GUCY2C: variants seen among roughly 807,000 people sequenced by gnomAD.
The protein encoded by GUCY2C is guanylate cyclase 2C, also known as guanylyl cyclase C.
Under a neutral mutation model 131.1 loss-of-function variants are expected in GUCY2C, and 118 were observed. That is an observed-to-expected ratio of 0.90 (90% confidence interval 0.78 to 1.05). The LOEUF (loss-of-function observed/expected upper bound fraction) is 1.05. GUCY2C is among the 50% of genes least tolerant of loss of function. GUCY2C has a pLI of 0.00. For missense variants in GUCY2C, 1,161 were observed against 1,304.4 expected, an observed-to-expected ratio of 0.89 and a Z score of 1.69; for synonymous variants, 452 against 457.8, an observed-to-expected ratio of 0.99 and a Z score of 0.16.
chr12:14,685,273 G>T (rs577096669), intron 3 of GUCY2C, among the ~76,000 whole-genome samples: 1 of 152,172 alleles, frequency 6.6e-6, no homozygotes, highest in Non-Finnish European at 1.5e-5. Flanking sequence ...GGATCTGTCC[G>T]CATTTTGGTA....
chr12:14,664,307 A>G (rs1463934007), intron 10 of GUCY2C, among the ~76,000 whole-genome samples: 2 of 152,160 alleles, frequency 1.3e-5, no homozygotes, highest in Admixed American at 6.5e-5. Context: ...TAAACCCCAG[A>G]AAACGAAAGT....
At chr12:14,639,404 G>A (rs796233836) in intron 19 of GUCY2C, among the ~76,000 whole-genome samples, 28 of 152,208 alleles carry the variant, frequency 1.8e-4, no homozygotes, top group African/African-American at 6.0e-4. Context: ...GCGGTAGGCT[G>A]AGGCTGGCTC....
At chr12:14,644,494 G>A (rs950230375) in intron 16 of GUCY2C, among the ~76,000 whole-genome samples, 6 of 152,202 alleles carry the variant, frequency 3.9e-5, no homozygotes, top group Non-Finnish European at 7.3e-5. Context: ...GTGGCAAATC[G>A]ATTTTCATAA....
At chr12:14,693,074 A>G (rs1021246243) in intron 1 of GUCY2C, among the ~76,000 whole-genome samples, 1 of 152,192 alleles carries the variant, frequency 6.6e-6, no homozygotes, top group Non-Finnish European at 1.5e-5. Context: ...ACTTCAAATC[A>G]AAGGTTTACT....
chr12:14,649,216 C>A (rs927733220), intron 15 of GUCY2C, among the ~76,000 whole-genome samples: 43 of 152,082 alleles, frequency 2.8e-4, no homozygotes, highest in Non-Finnish European at 1.3e-4. Flanking sequence ...GCTTTTCTCA[C>A]CCCCACCACC....
At chr12:14,652,744 T>C (rs1487305451) in intron 13 of GUCY2C, among the ~76,000 whole-genome samples, 1 of 152,204 alleles carries the variant, frequency 6.6e-6, no homozygotes, top group African/African-American at 2.4e-5. Context: ...CCCAACATTC[T>C]ATTTGTCTTC....
chr12:14,621,181 A>T lies in GUCY2C; in HGVS notation c.2637T>A (p.Ser879Arg). 6.2e-7 allele frequency: 1 copy of T among 1,613,786 alleles called. No homozygotes were observed. The highest frequency in any genetic ancestry group is 1.1e-5 in the South Asian group (1 of 91,058). The stretch of plus-strand genomic sequence containing the variant: ...GATTGCCATTTCTCTTAGGCAAACC[A>T]CTAGCCACCATGTACGCATCACCGA... ...ETIGDAYMVASGLPKRNGNRH... is the reference protein window; with the variant it reads ...ETIGDAYMVARGLPKRNGNRH... The change falls in exon 23 of 27, where the codon AGT becomes AGA. Residue 879 changes from serine (S) to arginine (R), a missense_variant. By Grantham distance (110) the Ser-to-Arg change is moderately radical. Coordinates refer to ENST00000261170, the MANE Select transcript of GUCY2C (RefSeq NM_004963.4).
rs1948308611 is a variant in GUCY2C, at chr12:14,679,687, T to A, written c.800A>T (p.Asp267Val). ...KLKGDRAVAE[D>V]IVIILVDLFN... ...AAGATCCACTAGAATAATGACAATG[T>A]CTTCAGCCACTGCTCGGTCACCCTT... is the stretch of plus-strand genomic sequence containing the variant. The change falls in exon 6 of 27, where the codon GAC (aspartate) becomes GTC (valine). Residue 267 changes from aspartate to valine, a missense_variant. Coordinates refer to ENST00000261170, the MANE Select transcript of GUCY2C (RefSeq NM_004963.4). The A allele has an allele frequency of 2.5e-6, 4 of 1,588,948 alleles. No individual in the cohort carries two copies. Among genetic ancestry groups the A allele is most frequent in the Non-Finnish European group, 3.5e-6 (4 of 1,157,004 alleles).
Position 14,683,187 on chromosome 12 carries a change from T to G in GUCY2C, c.466A>C (p.Thr156Pro). 3 of 1,613,640 alleles carry G rather than the reference T, an allele frequency of 1.9e-6. No individual in the cohort carries two copies. Among genetic ancestry groups the G allele is most frequent in the Non-Finnish European group, 2.5e-6 (3 of 1,179,666 alleles). Reference protein sequence around the residue: ...SFGLSCDYKETLTRLMSPARK... With the variant: ...SFGLSCDYKEPLTRLMSPARK... ...GCTGGAGACATCAGCCTGGTTAAGG[T>G]TTCTTTATAGTCACATGACAATCCA... Residue 156 changes from threonine (T) to proline (P), a missense_variant, in exon 4 of 27, where the codon ACC becomes CCC. Thr to Pro is a conservative substitution (Grantham distance 38). Coordinates refer to ENST00000261170, the MANE Select transcript of GUCY2C (RefSeq NM_004963.4).
Position 14,696,557 on chromosome 12 carries a change from C to G in GUCY2C, c.-109G>C, listed in dbSNP as rs1179137820. ...GACAGCCTCTAGTGGAGTCCCTCAGCCCACTCTTCCCCACGCTTCTCTCTG... is the reference window on the plus strand; with the variant it reads ...GACAGCCTCTAGTGGAGTCCCTCAGGCCACTCTTCCCCACGCTTCTCTCTG... On this transcript the variant is annotated 5_prime_UTR_variant, in exon 1 of 27. Coordinates refer to ENST00000261170, the MANE Select transcript of GUCY2C (RefSeq NM_004963.4). 4 of 727,724 alleles carry G rather than the reference C, an allele frequency of 5.5e-6. No individual in the cohort carries two copies. The African/African-American group carries it at 7.0e-5, about 13-fold the overall frequency. 45.1% of individuals were successfully genotyped at this position (727,724 alleles called of 1,614,324 possible). A position where few individuals can be genotyped will look rare whatever the true frequency, so the allele number is the denominator to read the frequency against.
intron 19 of GUCY2C, among the ~76,000 whole-genome samples, chr12:14,629,154 A>C (rs934481527): frequency 6.6e-6 from 1 of 152,216 alleles, no homozygotes; most frequent in Non-Finnish European, 1.5e-5. Context: ...GAATGTAACA[A>C]AAGCCCACCA....
At chr12:14,664,739 CAG>C (rs1947936551) in intron 10 of GUCY2C, among the ~76,000 whole-genome samples, 1 of 152,076 alleles carries the variant, frequency 6.6e-6, no homozygotes, top group Non-Finnish European at 1.5e-5. Flanking sequence ...CTTGATTTAA[CAG>C]GGGAAGAAAC....
At chr12:14,666,366 A>G (rs1947979921) in intron 10 of GUCY2C, among the ~76,000 whole-genome samples, 2 of 152,182 alleles carry the variant, frequency 1.3e-5, no homozygotes, top group Admixed American at 1.3e-4. Context: ...CAGCTTGCTT[A>G]TTTATGCTTG....
chr12:14,614,748 C>T (rs1032012871), intron 26 of GUCY2C, 119 bp downstream of exon 26: 3 of 642,794 alleles, frequency 4.7e-6, no homozygotes, highest in Non-Finnish European at 8.3e-6. Flanking sequence ...CATGTATAGT[C>T]CCTTACTTCT....
Position 14,613,353 on chromosome 12 carries a change from G to T in GUCY2C, c.3048-62C>A, listed in dbSNP as rs1946690598. 2.4e-6 allele frequency: 3 copies of T among 1,251,646 alleles called. No individual in the cohort carries two copies. The highest frequency in any genetic ancestry group is 2.3e-6 in the Non-Finnish European group (2 of 854,368). 77.5% of individuals were successfully genotyped at this position (1,251,646 alleles called of 1,614,324 possible). On this transcript the variant is annotated intron_variant, in intron 26 of 26. Transcript: ENST00000261170. The surrounding 1 kb of genome is among the most constrained non-coding windows in gnomAD (Gnocchi z 4.9). Reference sequence around the variant, plus strand: ...AGCAATTCATACAGAATATTCCTTAGCTCCAGAATAATCAGTTCAGTTAGT... The same window carrying T: ...AGCAATTCATACAGAATATTCCTTATCTCCAGAATAATCAGTTCAGTTAGT...
chr12:14,649,329 T>C (rs1257523547), intron 15 of GUCY2C, among the ~76,000 whole-genome samples: 1 of 152,196 alleles, frequency 6.6e-6, no homozygotes, highest in African/African-American at 2.4e-5. Context: ...ATAATTCCCA[T>C]AGAAAGAATA....
At chr12:14,631,986 G>A (rs1217637872) in intron 19 of GUCY2C, among the ~76,000 whole-genome samples, 13 of 151,544 alleles carry the variant, frequency 8.6e-5, no homozygotes, top group Non-Finnish European at 5.9e-5. Flanking sequence ...GGCCAGTGAT[G>A]GTGAGCATTT....
intron 15 of GUCY2C, among the ~76,000 whole-genome samples, chr12:14,649,052 T>A (rs1217466046): frequency 3.9e-5 from 6 of 152,202 alleles, no homozygotes; most frequent in Non-Finnish European, 8.8e-5. Context: ...ATACTAAACC[T>A]GGTTTCCTCT....
Position 14,612,971 on chromosome 12 carries a change from T to A in GUCY2C, c.*146A>T. 1 of 649,976 alleles carries A rather than the reference T, an allele frequency of 1.5e-6. No homozygotes were observed. Among genetic ancestry groups the A allele is most frequent in the Admixed American group, 2.7e-5 (1 of 37,268 alleles). 40.3% of individuals were successfully genotyped at this position (649,976 alleles called of 1,614,324 possible). ...CACACATCTGATTCATGCAAGAAAG[T>A]CCATGTTCCAGACAGGGCAGCCAAG... On this transcript the variant is annotated 3_prime_UTR_variant, in exon 27 of 27. Transcript: ENST00000261170.
Sources: gnomAD v4.1 joint callset for allele counts (sites outside exome capture counted in the v4.1 genomes callset) on GRCh38, gnomAD v4.1.1 for gene constraint, Gnocchi (gnomAD v3.1) non-coding constraint, MANE v1.5 for transcripts, NCBI Gene and HGNC (gene_info 2026-07-23, HGNC 2026-07-21) for gene names.